The following DTWD2 variants were observed in gnomAD, a reference collection of about 807,000 sequenced individuals.
DTWD2 encodes the protein tRNA-uridine aminocarboxypropyltransferase 2.
In DTWD2, 39 loss-of-function variants were observed where a neutral mutation model predicts 31.8. That is an observed-to-expected ratio of 1.22 (90% confidence interval 0.95 to 1.60). The LOEUF is 1.60. DTWD2 is among the 40% of genes most tolerant of loss of function. The pLI is 0.00. For synonymous variants in DTWD2, 180 were observed against 142.8 expected (o/e 1.26, Z -1.86); for missense variants, 515 against 381.5 (o/e 1.35, Z -2.92).
intron 4 of DTWD2, among the ~76,000 whole-genome samples, chr5:118,870,735 T>C (rs1269379819): frequency 1.3e-5 from 2 of 152,088 alleles, no homozygotes. Context: ...TTTCATAGAA[T>C]AAGACAATAA....
At chr5:118,876,885 G>T (rs956635590) in intron 4 of DTWD2, among the ~76,000 whole-genome samples, 1 of 152,184 alleles carries the variant, frequency 6.6e-6, no homozygotes, top group Admixed American at 6.5e-5. Context: ...TGCAAGGCCA[G>T]CATCATCGTG....
At chr5:118,970,864 G>A (rs1754968753) in intron 1 of DTWD2, among the ~76,000 whole-genome samples, 1 of 152,110 alleles carries the variant, frequency 6.6e-6, no homozygotes, top group Non-Finnish European at 1.5e-5. Flanking sequence ...TTCCAGCCCA[G>A]AATTTCATAT....
At chr5:118,921,761 A>G (rs374212879) in intron 4 of DTWD2, among the ~76,000 whole-genome samples, 19 of 152,352 alleles carry the variant, frequency 1.2e-4, no homozygotes, top group African/African-American at 4.3e-4. Flanking sequence ...CAGAATCTAC[A>G]TCTCAATGAG....
intron 1 of DTWD2, among the ~76,000 whole-genome samples, chr5:118,965,131 C>G (rs1440328944): frequency 6.7e-6 from 1 of 149,752 alleles, no homozygotes; most frequent in Non-Finnish European, 1.5e-5. Flanking sequence ...GCCCAGCTGC[C>G]CCGTCTGAGA....
chr5:118,909,621 G>A (rs1753414791), intron 4 of DTWD2, among the ~76,000 whole-genome samples: 1 of 152,208 alleles, frequency 6.6e-6, no homozygotes. Flanking sequence ...GCACACTGCT[G>A]CAATCAGACC....
rs183126126 is a variant in DTWD2 at position 118,847,660 on chromosome 5, C to T, written c.726+430G>A. Among the ~76,000 whole-genome samples, 5 of 148,996 alleles carry T rather than the reference C, an allele frequency of 3.4e-5. No individual in the cohort carries two copies. In the South Asian group the frequency reaches 6.4e-4, roughly 19 times the overall value. On this transcript the variant is annotated intron_variant, in intron 5 of 5. Coordinates refer to ENST00000510708, the MANE Select transcript of DTWD2 (RefSeq NM_173666.4). The stretch of plus-strand genomic sequence containing the variant: ...TTTTACATTCTAAGCAAGGTTAACA[C>T]GAGAAACAGAAAGTTAGTATACGGC...
intron 4 of DTWD2, among the ~76,000 whole-genome samples, chr5:118,925,969 C>G (rs1206427165): frequency 6.6e-6 from 1 of 152,100 alleles, no homozygotes; most frequent in Non-Finnish European, 1.5e-5. Flanking sequence ...ATGCCTCATG[C>G]CTGTAACCCC....
chr5:118,985,490 T>TTATATA (rs56393420), intron 1 of DTWD2, among the ~76,000 whole-genome samples: 1,655 of 95,406 alleles, frequency 0.017, 29 homozygotes, highest in East Asian at 0.049. Context: ...ATGTGCATTT[T>TTATATA]TATATATATA....
intron 4 of DTWD2, among the ~76,000 whole-genome samples, chr5:118,904,434 T>C (rs186444881): frequency 2.0e-4 from 31 of 152,192 alleles, no homozygotes; most frequent in Non-Finnish European, 4.3e-4. Flanking sequence ...TCCTGAACAA[T>C]ATATGTAAGA....
chr5:118,895,914 C>A (rs906042438), intron 4 of DTWD2, among the ~76,000 whole-genome samples: 1 of 152,136 alleles, frequency 6.6e-6, no homozygotes, highest in African/African-American at 2.4e-5. Flanking sequence ...TTCAAACCAC[C>A]TTACAATTTG....
In DTWD2 at chr5:118,906,151, A is replaced by G. The variant is rs542120533; in HGVS notation, c.597+22386T>C. ...AGTAAAACCAAAATGAGATATCCCT[A>G]CTCAACTATTAGAATAGCAAAAATT... On this transcript the variant is annotated intron_variant, in intron 4 of 5. Coordinates refer to ENST00000510708, the MANE Select transcript of DTWD2 (RefSeq NM_173666.4). Among the ~76,000 whole-genome samples the G allele has an allele frequency of 1.6e-3, 242 of 152,296 alleles. 1 individual carries two copies. Among genetic ancestry groups the G allele is most frequent in the Non-Finnish European group, 2.8e-3 (188 of 67,988 alleles).
intron 3 of DTWD2, 40 bp downstream of exon 3, chr5:118,939,156 T>C (rs751030213): frequency 6.4e-7 from 1 of 1,563,346 alleles, no homozygotes; most frequent in Non-Finnish European, 8.7e-7. Flanking sequence ...AAGATCTGTG[T>C]AGAAAAGAAT....
rs1394342164 is a variant in DTWD2, at chr5:118,838,581, G to C, written c.*2336C>G. ...ACTGTTTAATGAGAACAGGTGACTAGAGAAGCATTTTATACCACAGATGAT... is the reference window on the plus strand; with the variant it reads ...ACTGTTTAATGAGAACAGGTGACTACAGAAGCATTTTATACCACAGATGAT... On this transcript the variant is annotated 3_prime_UTR_variant, in exon 6 of 6. Transcript: ENST00000510708. The C allele has an allele frequency of 6.6e-6, 1 of 152,120 alleles. No individual in the cohort carries two copies. The highest frequency in any genetic ancestry group is 1.5e-5 in the Non-Finnish European group (1 of 68,024). 9.4% of individuals were successfully genotyped at this position (152,120 alleles called of 1,614,324 possible). A position where few individuals can be genotyped will look rare whatever the true frequency, so the allele number is the denominator to read the frequency against.
intron 4 of DTWD2, among the ~76,000 whole-genome samples, chr5:118,906,399 C>T (rs1052590430): frequency 2.0e-5 from 3 of 152,204 alleles, no homozygotes; most frequent in East Asian, 1.9e-4. Context: ...TGCATATGAA[C>T]GTTAATAACC....
At chr5:118,987,166 A>C (rs946287638) in intron 1 of DTWD2, among the ~76,000 whole-genome samples, 1 of 152,156 alleles carries the variant, frequency 6.6e-6, no homozygotes. Flanking sequence ...AACATTTTTA[A>C]ATGCTTCCCC....
intron 4 of DTWD2, among the ~76,000 whole-genome samples, chr5:118,922,100 T>C (rs1332212178): frequency 2.6e-5 from 4 of 152,236 alleles, no homozygotes; most frequent in African/African-American, 9.6e-5. Context: ...CATATTCACC[T>C]TGGATTTATT....
At chr5:118,979,791 TG>T (rs1207186488) in intron 1 of DTWD2, among the ~76,000 whole-genome samples, 1 of 152,204 alleles carries the variant, frequency 6.6e-6, no homozygotes, top group African/African-American at 2.4e-5. Context: ...AAGCGGGAGC[TG>T]AACAATGAGA....
At chr5:118,894,240 A>T (rs1244464198) in intron 4 of DTWD2, among the ~76,000 whole-genome samples, 35 of 152,128 alleles carry the variant, frequency 2.3e-4, no homozygotes, top group Non-Finnish European at 7.4e-5. Flanking sequence ...TGTAAATCTG[A>T]TTAGAAAAGG....
At chr5:118,886,744 T>C (rs1213844960) in intron 4 of DTWD2, among the ~76,000 whole-genome samples, 1 of 152,226 alleles carries the variant, frequency 6.6e-6, no homozygotes, top group Non-Finnish European at 1.5e-5. Context: ...AAGCTGAATG[T>C]TTCTATGAAA....
Sources: gnomAD v4.1 joint callset for allele counts (sites outside exome capture counted in the v4.1 genomes callset) on GRCh38, gnomAD v4.1.1 for gene constraint, MANE v1.5 for transcripts, NCBI Gene and HGNC (gene_info 2026-07-23, HGNC 2026-07-21) for gene names.